Variants in KHDRBS3 observed in about 807,000 individuals in gnomAD.
KHDRBS3 encodes KH domain-containing, RNA-binding, signal transduction-associated protein 3.
A neutral mutation model predicts 45.6 loss-of-function variants in KHDRBS3; 23 were observed. The observed-to-expected ratio is 0.50, with a 90% CI of 0.36 to 0.72. The LOEUF is 0.72. KHDRBS3 is among the 30% of genes least tolerant of loss of function. The pLI is 0.00. For synonymous variants in KHDRBS3, 162 were observed against 156.5 expected (o/e 1.04, Z -0.26); for missense variants, 352 against 424.8 (o/e 0.83, Z 1.51).
chr8:135,625,422 A>G (rs1219268852), intron 7 of KHDRBS3: 33 of 774,484 alleles, frequency 4.3e-5, no homozygotes, highest in Non-Finnish European at 1.2e-5. Flanking sequence ...CATCGTGCCC[A>G]TTGCGCACAC....
At chr8:135,644,095 G>C (rs1339539915) in intron 7 of KHDRBS3, among the ~76,000 whole-genome samples, 1 of 152,208 alleles carries the variant, frequency 6.6e-6, no homozygotes, top group East Asian at 1.9e-4. Flanking sequence ...AGGAAAGCCT[G>C]AGAGGGTACA....
At chr8:135,544,685 G>T (rs1289497598) in intron 3 of KHDRBS3, among the ~76,000 whole-genome samples, 1 of 152,180 alleles carries the variant, frequency 6.6e-6, no homozygotes, top group East Asian at 1.9e-4. Flanking sequence ...CTGAATGCCA[G>T]CTCTGCATTT....
intron 1 of KHDRBS3, among the ~76,000 whole-genome samples, chr8:135,506,832 G>GT (rs201484284): frequency 0.016 from 2,359 of 149,880 alleles, 59 homozygotes; most frequent in African/African-American, 0.051. Context: ...TTGTACCATT[G>GT]TTTTTTTTTA....
chr8:135,620,186 C>G (rs1327722143), intron 7 of KHDRBS3, among the ~76,000 whole-genome samples: 1 of 151,972 alleles, frequency 6.6e-6, no homozygotes, highest in Non-Finnish European at 1.5e-5. Context: ...GATTCTCCAT[C>G]CTCAGCCTCC....
chr8:135,475,457 G>T (rs578052882), intron 1 of KHDRBS3, among the ~76,000 whole-genome samples: 2 of 151,894 alleles, frequency 1.3e-5, no homozygotes, highest in African/African-American at 4.8e-5. Context: ...GATTACAAGA[G>T]CCCACCACCA....
chr8:135,499,439 C>T (rs750390126), intron 1 of KHDRBS3, among the ~76,000 whole-genome samples: 1 of 152,124 alleles, frequency 6.6e-6, no homozygotes, highest in African/African-American at 2.4e-5. Context: ...TCTCCTAATC[C>T]ACCTTAATGC....
At chr8:135,463,710 G>C (rs991871440) in intron 1 of KHDRBS3, among the ~76,000 whole-genome samples, 3 of 152,164 alleles carry the variant, frequency 2.0e-5, no homozygotes, top group Admixed American at 2.0e-4. Flanking sequence ...CGCAGTTTCA[G>C]ATGCCAAAGG....
intron 3 of KHDRBS3, among the ~76,000 whole-genome samples, chr8:135,546,630 A>G (rs1826317914): frequency 6.6e-6 from 1 of 152,210 alleles, no homozygotes. Flanking sequence ...GCAAGGCTTC[A>G]TCCTAAAGAC....
At chr8:135,620,111 C>T (rs1050679775) in intron 7 of KHDRBS3, among the ~76,000 whole-genome samples, 6 of 149,580 alleles carry the variant, frequency 4.0e-5, no homozygotes, top group South Asian at 2.1e-4. Flanking sequence ...ATCAATCTGT[C>T]GCCCAGGCTG....
chr8:135,541,789 T>C (rs1187261354), intron 2 of KHDRBS3: 1 of 151,650 alleles, frequency 6.6e-6, no homozygotes, highest in Non-Finnish European at 1.5e-5. Context: ...AAATTCCTGA[T>C]TTTTTTTTGT....
intron 5 of KHDRBS3, among the ~76,000 whole-genome samples, chr8:135,563,735 G>A (rs1827274363): frequency 6.6e-6 from 1 of 152,222 alleles, no homozygotes; most frequent in African/African-American, 2.4e-5. Context: ...GACTGGGTAT[G>A]TGAAGGTACT....
intron 5 of KHDRBS3, among the ~76,000 whole-genome samples, chr8:135,574,748 T>A (rs905898820): frequency 3.9e-5 from 6 of 152,212 alleles, no homozygotes; most frequent in African/African-American, 1.4e-4. Flanking sequence ...TCTCTAGATA[T>A]ATATACTGGA....
chr8:135,483,124 A>G (rs2130340880), intron 1 of KHDRBS3, among the ~76,000 whole-genome samples: 1 of 152,300 alleles, frequency 6.6e-6, no homozygotes. Flanking sequence ...TTTTGCATTA[A>G]AAAGAAAGGT....
At chr8:135,616,831 G>A (rs767460954) in intron 7 of KHDRBS3, among the ~76,000 whole-genome samples, 10 of 152,022 alleles carry the variant, frequency 6.6e-5, no homozygotes, top group Admixed American at 2.0e-4. Flanking sequence ...TTCATTCCTC[G>A]TGTTTCATAC....
In KHDRBS3 at chr8:135,647,020, A is replaced by C. The variant is rs935103055; in HGVS notation, c.977A>C (p.His326Pro). Residue 326 changes from histidine (H) to proline (P), a missense_variant, in exon 9 of 9, where the codon CAC becomes CCC. By Grantham distance (77) the His-to-Pro change is moderately conservative (BLOSUM62 -2). Coordinates refer to ENST00000355849, the MANE Select transcript of KHDRBS3 (RefSeq NM_006558.3). ...YGQEEWTNSR[H>P]KAPSARTAKG... Reference sequence around the variant, plus strand: ...CAAGAAGAGTGGACTAACTCAAGACACAAGGCACCTTCAGCGAGGACAGCA... The same window carrying C: ...CAAGAAGAGTGGACTAACTCAAGACCCAAGGCACCTTCAGCGAGGACAGCA... The C allele has an allele frequency of 1.9e-6, 3 of 1,608,042 alleles. No individual in the cohort carries two copies. The highest frequency in any genetic ancestry group is 1.7e-6 in the Non-Finnish European group (2 of 1,174,514).
intron 5 of KHDRBS3, among the ~76,000 whole-genome samples, chr8:135,564,259 A>T (rs966447105): frequency 6.6e-6 from 1 of 152,202 alleles, no homozygotes; most frequent in Non-Finnish European, 1.5e-5. Flanking sequence ...TAAACAATAA[A>T]CATTATCTGA....
rs746079914 is a variant in KHDRBS3, at chr8:135,645,073, A to C, written c.905A>C (p.Tyr302Ser). Residue 302 changes from tyrosine to serine, a missense_variant, in exon 8 of 9, where the codon TAT becomes TCT. Tyr to Ser is a moderately radical substitution (Grantham distance 144, BLOSUM62 -2). Around this residue, in one of 6 missense-constraint regions of KHDRBS3, gnomAD observed 212 missense variants for 209.6 expected, o/e 1.01. Coordinates refer to ENST00000355849, the MANE Select transcript of KHDRBS3 (RefSeq NM_006558.3). ...ATCACTTGCAGTGGTGCTGATTACT[A>C]TGATTACGGACATGGACTCAGTGAG... ...STPAQSGADY[Y>S]DYGHGLSEET... is the part of the protein sequence containing the mutation. 1.2e-6 allele frequency: 2 copies of C among 1,613,562 alleles called. No homozygotes were observed. The highest frequency in any genetic ancestry group is 8.5e-7 in the Non-Finnish European group (1 of 1,179,896).
chr8:135,619,209 A>C (rs142128405), intron 7 of KHDRBS3, among the ~76,000 whole-genome samples: 23 of 152,224 alleles, frequency 1.5e-4, no homozygotes, highest in Non-Finnish European at 3.1e-4. Flanking sequence ...TCCTTTATCT[A>C]TCATTTATAA....
chr8:135,625,212 G>A, intron 7 of KHDRBS3: 2 of 1,409,156 alleles, frequency 1.4e-6, no homozygotes, highest in South Asian at 1.2e-5. Flanking sequence ...CCTCCTGTGG[G>A]CCTCCTTCAT....
Sources: gnomAD v4.1 joint callset for allele counts (sites outside exome capture counted in the v4.1 genomes callset) on GRCh38, gnomAD v4.1.1 for gene constraint, gnomAD v4.1.1 regional missense constraint, MANE v1.5 for transcripts, NCBI Gene and HGNC (gene_info 2026-07-23, HGNC 2026-07-21) for gene names.